SCMH1: variants seen among roughly 807,000 people sequenced by gnomAD.
The protein encoded by SCMH1 is Scm polycomb group protein homolog 1.
A neutral mutation model predicts 70.8 loss-of-function variants in SCMH1; 37 were observed. The observed-to-expected ratio is 0.52, with a 90% CI of 0.40 to 0.69. The LOEUF is 0.69. SCMH1 is among the 30% of genes least tolerant of loss of function. The pLI is 0.00. For synonymous variants in SCMH1, 292 were observed against 307.4 expected (o/e 0.95, Z 0.52); for missense variants, 607 against 827.3 (o/e 0.73, Z 3.27).
At chr1:41,211,396 C>T (rs1053562040) in intron 1 of SCMH1, among the ~76,000 whole-genome samples, 5 of 152,204 alleles carry the variant, frequency 3.3e-5, no homozygotes, top group Non-Finnish European at 5.9e-5. Context: ...GACATTTATG[C>T]AGCCAACAGA....
chr1:41,064,556 C>G (rs1210211318), intron 10 of SCMH1, among the ~76,000 whole-genome samples: 1 of 152,076 alleles, frequency 6.6e-6, no homozygotes. Flanking sequence ...GGATACAAAG[C>G]TAATATACAA....
intron 11 of SCMH1, 143 bp downstream of exon 11, chr1:41,048,547 T>C: frequency 1.4e-6 from 1 of 721,102 alleles, no homozygotes; most frequent in Non-Finnish European, 2.3e-6. Context: ...TCTTGGGGGG[T>C]TGGAGATGAG....
At position 41,149,034 on chromosome 1, in the gene SCMH1, G is replaced by A. The variant is rs949480652; in HGVS notation, c.177+2580C>T. 5.3e-5 allele frequency among the ~76,000 whole-genome samples: 8 copies of A among 151,936 alleles called. No individual in the cohort carries two copies. The East Asian group carries it at 1.2e-3, about 22-fold the overall frequency. On this transcript the variant is annotated intron_variant, in intron 5 of 14. Coordinates refer to ENST00000337495, the Ensembl canonical transcript of SCMH1. ...TCTTAATCTCCTGACTTCACGATCCGCCCACCTCAGCCTCCTAAATTGCTG... is the reference window on the plus strand; with the variant it reads ...TCTTAATCTCCTGACTTCACGATCCACCCACCTCAGCCTCCTAAATTGCTG...
At chr1:41,072,941 A>G (rs949807444) in intron 9 of SCMH1, among the ~76,000 whole-genome samples, 1 of 152,208 alleles carries the variant, frequency 6.6e-6, no homozygotes, top group African/African-American at 2.4e-5. Flanking sequence ...TTGTAGGGGT[A>G]GGCAAAAGAG....
At chr1:41,216,284 T>G (rs1658060254) in intron 1 of SCMH1, among the ~76,000 whole-genome samples, 1 of 152,210 alleles carries the variant, frequency 6.6e-6, no homozygotes, top group Non-Finnish European at 1.5e-5. Context: ...AAAATCCAAA[T>G]AAGTATAACT....
chr1:41,091,816 G>C (rs1196242922), intron 8 of SCMH1, among the ~76,000 whole-genome samples: 3 of 152,146 alleles, frequency 2.0e-5, no homozygotes, highest in Non-Finnish European at 4.4e-5. Flanking sequence ...ACTTACAAAG[G>C]ATGTGAAGGA....
chr1:41,171,243 T>C (rs1054150441), intron 2 of SCMH1, among the ~76,000 whole-genome samples: 1 of 152,168 alleles, frequency 6.6e-6, no homozygotes, highest in Admixed American at 6.5e-5. Flanking sequence ...GCTTCCTTCA[T>C]GGAAGGGACA....
chr1:41,088,938 G>T (rs1485015774), intron 8 of SCMH1, among the ~76,000 whole-genome samples: 1 of 152,156 alleles, frequency 6.6e-6, no homozygotes, highest in Non-Finnish European at 1.5e-5. Flanking sequence ...TCATTGAACA[G>T]ATTTCTCTTC....
chr1:41,237,082 C>T (rs1247244650), intron 1 of SCMH1, among the ~76,000 whole-genome samples: 3 of 152,194 alleles, frequency 2.0e-5, no homozygotes, highest in African/African-American at 7.2e-5. Context: ...TTAGTTAAAC[C>T]TTACAGCTAC....
At position 41,051,370 on chromosome 1, in the gene SCMH1, AG is replaced by A. The variant is rs1350186453; in HGVS notation, c.1106-2481del. On this transcript the variant is annotated intron_variant, in intron 10 of 14. Coordinates refer to ENST00000337495, the Ensembl canonical transcript of SCMH1. ...GACTATGTTACTGATTTGTGTATTT[AG>A]TATACTTCTTATCATTATTGTAGAG... Among the ~76,000 whole-genome samples the A allele has an allele frequency of 4.6e-5, 7 of 152,380 alleles. No individual in the cohort carries two copies. In the East Asian group the frequency reaches 1.2e-3, roughly 25 times the overall value.
chr1:41,140,086 G>T (rs1039174517), intron 6 of SCMH1, among the ~76,000 whole-genome samples: 2 of 152,082 alleles, frequency 1.3e-5, no homozygotes, highest in Non-Finnish European at 2.9e-5. Flanking sequence ...TAATCAAACT[G>T]GTGGTAGTGT....
chr1:41,033,406 C>A (rs1644831428), intron 13 of SCMH1, among the ~76,000 whole-genome samples: 1 of 152,138 alleles, frequency 6.6e-6, no homozygotes, highest in South Asian at 2.1e-4. Flanking sequence ...TAAAGAACCC[C>A]CACCATTGTC....
At chr1:41,058,563 G>C (rs1651436002) in intron 10 of SCMH1, among the ~76,000 whole-genome samples, 1 of 151,766 alleles carries the variant, frequency 6.6e-6, no homozygotes, top group Non-Finnish European at 1.5e-5. Flanking sequence ...TGTATATTTA[G>C]TAGAGACGGG....
chr1:41,110,451 T>C (rs1200510859), intron 8 of SCMH1, among the ~76,000 whole-genome samples: 2 of 152,186 alleles, frequency 1.3e-5, no homozygotes, highest in Non-Finnish European at 2.9e-5. Context: ...TCATTTCCCA[T>C]TTTCCCTCCC....
intron 5 of SCMH1, among the ~76,000 whole-genome samples, chr1:41,145,782 T>G (rs1204948824): frequency 6.6e-6 from 1 of 152,188 alleles, no homozygotes; most frequent in Non-Finnish European, 1.5e-5. Context: ...CTAGTTATAA[T>G]GCAGCTGTCT....
chr1:41,057,242 G>GT (rs902694010), intron 10 of SCMH1, among the ~76,000 whole-genome samples: 13 of 151,676 alleles, frequency 8.6e-5, no homozygotes, highest in Non-Finnish European at 1.3e-4. Context: ...TATTTACCAT[G>GT]TTTTTTTTGT....
chr1:41,121,617 C>T (rs1671973020), intron 6 of SCMH1, among the ~76,000 whole-genome samples: 1 of 152,054 alleles, frequency 6.6e-6, no homozygotes, highest in Admixed American at 6.6e-5. Flanking sequence ...CTTCTTGGTC[C>T]CCACTTTCTT....
At chr1:41,228,266 T>C (rs1262870680) in intron 1 of SCMH1, among the ~76,000 whole-genome samples, 1 of 152,152 alleles carries the variant, frequency 6.6e-6, no homozygotes, top group Non-Finnish European at 1.5e-5. Context: ...GACTCCACAA[T>C]GGGATGTATA....
chr1:41,030,516 C>T (rs1363989406), intron 13 of SCMH1, among the ~76,000 whole-genome samples: 1 of 152,196 alleles, frequency 6.6e-6, no homozygotes, highest in Admixed American at 6.5e-5. Context: ...CTGGAATGTT[C>T]TTTTCCCAAA....
Sources: gnomAD v4.1 joint callset for allele counts (sites outside exome capture counted in the v4.1 genomes callset) on GRCh38, gnomAD v4.1.1 for gene constraint, MANE v1.5 for transcripts, NCBI Gene and HGNC (gene_info 2026-07-23, HGNC 2026-07-21) for gene names.